Variants in BABAM2 observed in about 807,000 individuals in gnomAD.
BABAM2 encodes the protein BRISC and BRCA1-A complex member 2.
Under a neutral mutation model 54.7 loss-of-function variants are expected in BABAM2, and 31 were observed. That is an observed-to-expected ratio of 0.57 (90% CI 0.43 to 0.77). The LOEUF is 0.77. Among genes scored for constraint, BABAM2 ranks in the 30% least tolerant of loss-of-function variants. The probability of loss-of-function intolerance (pLI) is 0.00; values close to 1 mark genes in which losing one functional copy is unlikely to be tolerated. For synonymous variants in BABAM2, 167 were observed against 162.9 expected, an observed-to-expected ratio of 1.03 and a Z score of -0.19; for missense variants, 364 against 455.8, an observed-to-expected ratio of 0.80 and a Z score of 1.83.
intron 7 of BABAM2, among the ~76,000 whole-genome samples, chr2:28,151,540 A>T (rs1450010003): frequency 3.9e-5 from 6 of 152,144 alleles, no homozygotes; most frequent in Non-Finnish European, 5.9e-5. Flanking sequence ...GCGCCATTGC[A>T]CTCCAGCCTT....
At chr2:28,064,313 T>G (rs930972277) in intron 6 of BABAM2, among the ~76,000 whole-genome samples, 14 of 152,230 alleles carry the variant, frequency 9.2e-5, no homozygotes, top group Non-Finnish European at 1.2e-4. Context: ...TAATCTAATC[T>G]TGTTTCATTT....
At chr2:28,285,955 C>CT (rs376315142) in intron 10 of BABAM2, among the ~76,000 whole-genome samples, 377 of 138,424 alleles carry the variant, frequency 2.7e-3, no homozygotes, top group Middle Eastern at 7.4e-3. Flanking sequence ...CGAATAATAA[C>CT]TTTTTTTTTT....
chr2:28,080,225 T>C (rs1665044675), intron 6 of BABAM2, among the ~76,000 whole-genome samples: 2 of 152,172 alleles, frequency 1.3e-5, no homozygotes, highest in African/African-American at 2.4e-5. Flanking sequence ...GCTCCAGTCT[T>C]ATCTTTAATT....
intron 4 of BABAM2, among the ~76,000 whole-genome samples, chr2:27,998,160 A>G (rs61300569): frequency 1.3e-5 from 2 of 152,038 alleles, no homozygotes; most frequent in Non-Finnish European, 2.9e-5. Flanking sequence ...CTCAAGAAAA[A>G]AAAATGCTTA....
intron 7 of BABAM2, among the ~76,000 whole-genome samples, chr2:28,144,260 T>C (rs557478122): frequency 1.8e-4 from 27 of 152,316 alleles, no homozygotes; most frequent in African/African-American, 6.3e-4. Flanking sequence ...TTCTTCTGAA[T>C]CCTTCTTTCA....
At chr2:28,120,921 A>G (rs1027895935) in intron 6 of BABAM2, among the ~76,000 whole-genome samples, 3 of 152,228 alleles carry the variant, frequency 2.0e-5, no homozygotes, top group African/African-American at 7.2e-5. Context: ...GGGGAATGGC[A>G]AATGCAAAGA....
chr2:28,142,936 A>G (rs2147749934), intron 7 of BABAM2, among the ~76,000 whole-genome samples: 1 of 151,840 alleles, frequency 6.6e-6, no homozygotes, highest in Non-Finnish European at 1.5e-5. Flanking sequence ...GTGTAGATAG[A>G]TATTTTGGTG....
intron 6 of BABAM2, among the ~76,000 whole-genome samples, chr2:28,079,736 A>G (rs1157426292): frequency 6.6e-6 from 1 of 152,144 alleles, no homozygotes; most frequent in Non-Finnish European, 1.5e-5. Context: ...TGTAAATGTA[A>G]GCATTGCCTT....
chr2:28,181,795 A>T (rs201773506), intron 7 of BABAM2, among the ~76,000 whole-genome samples: 14,436 of 150,368 alleles, frequency 0.096, 823 homozygotes, highest in African/African-American at 0.16. Flanking sequence ...TTTTTTTTTT[A>T]AAAAAAAAAG....
intron 6 of BABAM2, among the ~76,000 whole-genome samples, chr2:28,100,931 A>G (rs908458227): frequency 1.3e-5 from 2 of 152,302 alleles, no homozygotes; most frequent in Admixed American, 1.3e-4. Context: ...CAGACAGGCA[A>G]GGATTTGACA....
At chr2:27,936,972 AAAT>A (rs1482673627) in intron 3 of BABAM2, among the ~76,000 whole-genome samples, 1 of 152,208 alleles carries the variant, frequency 6.6e-6, no homozygotes, top group Non-Finnish European at 1.5e-5. Context: ...AAATTAAAAA[AAAT>A]AAAATCAGGT....
intron 6 of BABAM2, among the ~76,000 whole-genome samples, chr2:28,105,848 T>C (rs1383329370): frequency 5.3e-5 from 8 of 152,078 alleles, no homozygotes; most frequent in Non-Finnish European, 8.8e-5. Context: ...GGGGGAATTA[T>C]ACATAATTTA....
chr2:27,907,898 G>A (rs6729886), intron 2 of BABAM2, among the ~76,000 whole-genome samples: 151,221 of 152,346 alleles, frequency 0.99, 75,061 homozygotes, highest in East Asian at 1. Flanking sequence ...TGTATATATC[G>A]CACTTTGTTT....
At chr2:27,895,739 A>G (rs1456537353) in intron 2 of BABAM2, among the ~76,000 whole-genome samples, 1 of 152,086 alleles carries the variant, frequency 6.6e-6, no homozygotes, top group Non-Finnish European at 1.5e-5. Flanking sequence ...GCCTATAACT[A>G]TTACTACTCT....
At chr2:27,935,369 T>G (rs1668416680) in intron 3 of BABAM2, among the ~76,000 whole-genome samples, 2 of 152,214 alleles carry the variant, frequency 1.3e-5, no homozygotes, top group African/African-American at 4.8e-5. Context: ...TCACTTGAGA[T>G]GTGTTGGAAA....
intron 6 of BABAM2, among the ~76,000 whole-genome samples, chr2:28,083,063 C>T (rs1315988327): frequency 1.3e-5 from 2 of 152,158 alleles, no homozygotes; most frequent in Non-Finnish European, 2.9e-5. Flanking sequence ...TCCATTCATC[C>T]TTCTTCAGCC....
intron 3 of BABAM2, chr2:27,930,270 C>T (rs1667995279): frequency 5.2e-6 from 1 of 193,312 alleles, no homozygotes; most frequent in African/African-American, 2.4e-5. Context: ...TGCTGTCCAT[C>T]ACTGCTGCTA....
chr2:27,914,969 TG>T (rs1161903972), intron 2 of BABAM2, among the ~76,000 whole-genome samples: 1 of 152,108 alleles, frequency 6.6e-6, no homozygotes, highest in African/African-American at 2.4e-5. Flanking sequence ...AGTCTCTGCT[TG>T]CTCTGCAGCC....
intron 10 of BABAM2, among the ~76,000 whole-genome samples, chr2:28,286,300 G>C (rs1317025841): frequency 6.6e-6 from 1 of 152,082 alleles, no homozygotes; most frequent in Admixed American, 6.6e-5. Context: ...CCATTCTAGA[G>C]GATTGTACCA....
Sources: gnomAD v4.1 joint callset for allele counts (sites outside exome capture counted in the v4.1 genomes callset) on GRCh38, gnomAD v4.1.1 for gene constraint, MANE v1.5 for transcripts, NCBI Gene and HGNC (gene_info 2026-07-23, HGNC 2026-07-21) for gene names.